Variants in CSMD1 observed in about 807,000 individuals in gnomAD.
The protein encoded by CSMD1 is CUB and Sushi multiple domains 1.
In CSMD1, 213 loss-of-function variants were observed where a neutral mutation model predicts 417.5. The ratio of observed to expected loss-of-function variants is 0.51; its 90% confidence interval spans 0.46 to 0.57. The LOEUF (loss-of-function observed/expected upper bound fraction) is 0.57, where lower values mean the gene tolerates loss of function less well. Ranked by LOEUF, CSMD1 falls within the 20% of genes least tolerant of loss-of-function variation. CSMD1 has a pLI of 0.00. For synonymous variants in CSMD1, 2,862 were observed against 1,736.8 expected, an observed-to-expected ratio of 1.65 and a Z score of -16.11; for missense variants, 6,923 against 4,529.7, an observed-to-expected ratio of 1.53 and a Z score of -15.17.
chr8:4,264,726 AG>A (rs1804129184), intron 3 of CSMD1, among the ~76,000 whole-genome samples: 2 of 152,158 alleles, frequency 1.3e-5, no homozygotes, highest in African/African-American at 4.8e-5. Context: ...TTAACTGCCC[AG>A]GGGTAGGGAA....
At chr8:3,643,986 G>T (rs184185089) in intron 7 of CSMD1, among the ~76,000 whole-genome samples, 22 of 152,302 alleles carry the variant, frequency 1.4e-4, no homozygotes, top group Non-Finnish European at 2.5e-4. Flanking sequence ...AGAGAACACG[G>T]TGAATTCATC....
At chr8:4,753,932 T>C (rs1157719758) in intron 1 of CSMD1, among the ~76,000 whole-genome samples, 1 of 152,222 alleles carries the variant, frequency 6.6e-6, no homozygotes, top group Non-Finnish European at 1.5e-5. Flanking sequence ...ACATGCGAGA[T>C]GCTTTATGTG....
chr8:4,055,796 A>G (rs766864130), intron 3 of CSMD1, among the ~76,000 whole-genome samples: 6 of 152,112 alleles, frequency 3.9e-5, no homozygotes, highest in Non-Finnish European at 8.8e-5. Flanking sequence ...CAGCACTTCA[A>G]ATGACTAACA....
At chr8:3,396,113 C>A (rs766068705) in intron 17 of CSMD1, 81 bp downstream of exon 17, 2 of 1,225,884 alleles carry the variant, frequency 1.6e-6, no homozygotes, top group Non-Finnish European at 2.3e-6. Context: ...CAGTCATCTG[C>A]AGGCTGGAAA....
intron 3 of CSMD1, among the ~76,000 whole-genome samples, chr8:4,382,445 T>G (rs1033835311): frequency 2.0e-5 from 3 of 152,214 alleles, no homozygotes; most frequent in African/African-American, 7.2e-5. Flanking sequence ...TAGTCTGGCC[T>G]TGTTACTTTA....
At chr8:4,010,570 T>G (rs1164896682) in intron 4 of CSMD1, among the ~76,000 whole-genome samples, 3 of 151,872 alleles carry the variant, frequency 2.0e-5, no homozygotes, top group Admixed American at 2.0e-4. Context: ...AGGCATCAGT[T>G]TCTACAGCTG....
intron 1 of CSMD1, among the ~76,000 whole-genome samples, chr8:4,921,513 A>C (rs113077325): frequency 0.036 from 5,539 of 152,318 alleles, 139 homozygotes; most frequent in Non-Finnish European, 0.056. Context: ...GTGATGTTGG[A>C]ATCACTATAT....
intron 21 of CSMD1, among the ~76,000 whole-genome samples, chr8:3,358,522 C>G (rs1440765281): frequency 2.0e-5 from 3 of 152,176 alleles, no homozygotes; most frequent in East Asian, 3.9e-4. Context: ...AACGTCACCC[C>G]ACTGGATCAG....
intron 37 of CSMD1, among the ~76,000 whole-genome samples, chr8:3,174,907 T>C (rs1047891422): frequency 7.2e-5 from 11 of 152,186 alleles, no homozygotes; most frequent in African/African-American, 1.9e-4. Flanking sequence ...TTTTTACATG[T>C]TTGACTATGT....
rs149092427 is a variant in CSMD1 at position 3,538,875 on chromosome 8, C to G, written c.1344+36070G>C. On this transcript the variant is annotated intron_variant, in intron 10 of 69. Coordinates refer to ENST00000635120, the MANE Select transcript of CSMD1 (RefSeq NM_033225.6). Reference sequence around the variant, plus strand: ...GTCTTCCTAAGTGTTCCTAGTTGTTCTCTGCTCCCACTCTTGCTTCACCTA... The same window carrying G: ...GTCTTCCTAAGTGTTCCTAGTTGTTGTCTGCTCCCACTCTTGCTTCACCTA... Among the ~76,000 whole-genome samples the G allele has an allele frequency of 7.6e-3, 1,158 of 152,276 alleles. 8 individuals carry two copies. Among genetic ancestry groups the G allele is most frequent in the Non-Finnish European group, 8.7e-3 (595 of 68,020 alleles).
At chr8:3,135,683 C>G (rs571874130) in intron 41 of CSMD1, among the ~76,000 whole-genome samples, 80 of 151,518 alleles carry the variant, frequency 5.3e-4, no homozygotes, top group African/African-American at 1.9e-3. Context: ...CCCTTTAAAA[C>G]ATGCTCTTGA....
intron 3 of CSMD1, among the ~76,000 whole-genome samples, chr8:4,358,091 T>C (rs1169900857): frequency 2.6e-5 from 4 of 152,204 alleles, no homozygotes; most frequent in African/African-American, 7.2e-5. Flanking sequence ...TATGTATACA[T>C]ACATATGCTA....
At chr8:4,868,755 A>G (rs1332694864) in intron 1 of CSMD1, among the ~76,000 whole-genome samples, 1 of 146,336 alleles carries the variant, frequency 6.8e-6, no homozygotes, top group Non-Finnish European at 1.5e-5. Context: ...GTGACTGTCA[A>G]ATATTGGCTG....
At chr8:4,820,739 A>C (rs907904630) in intron 1 of CSMD1, among the ~76,000 whole-genome samples, 49 of 152,320 alleles carry the variant, frequency 3.2e-4, no homozygotes, top group African/African-American at 1.1e-3. Flanking sequence ...CTAACTTTGC[A>C]TTCAGGCATA....
At chr8:3,997,385 A>G (rs1048630680) in intron 5 of CSMD1, among the ~76,000 whole-genome samples, 1 of 151,870 alleles carries the variant, frequency 6.6e-6, no homozygotes, top group African/African-American at 2.4e-5. Context: ...TTTTATACAT[A>G]TAGTGGACTA....
chr8:3,877,144 C>T (rs1332721346), intron 5 of CSMD1, among the ~76,000 whole-genome samples: 1 of 152,166 alleles, frequency 6.6e-6, no homozygotes, highest in Non-Finnish European at 1.5e-5. Flanking sequence ...TGCACTTTCC[C>T]CATCCCTTCC....
At chr8:3,841,794 G>A (rs918224328) in intron 5 of CSMD1, among the ~76,000 whole-genome samples, 3 of 151,924 alleles carry the variant, frequency 2.0e-5, no homozygotes, top group African/African-American at 4.8e-5. Context: ...GTAAATACGT[G>A]CAAATCAGCC....
intron 3 of CSMD1, among the ~76,000 whole-genome samples, chr8:4,102,616 G>T (rs1056771855): frequency 6.6e-5 from 10 of 152,252 alleles, no homozygotes; most frequent in African/African-American, 2.4e-4. Flanking sequence ...CTACTCAAAT[G>T]CCTCCTGTTC....
At chr8:3,257,787 G>T (rs1386049878) in intron 26 of CSMD1, among the ~76,000 whole-genome samples, 1 of 152,162 alleles carries the variant, frequency 6.6e-6, no homozygotes, top group South Asian at 2.1e-4. Context: ...GCTTCCAAGG[G>T]AGGTGTGAGG....
Sources: allele counts gnomAD v4.1 joint callset (sites outside exome capture counted in the v4.1 genomes callset), GRCh38; gene constraint gnomAD v4.1.1; transcripts MANE v1.5; gene names NCBI Gene and HGNC (gene_info 2026-07-23, HGNC 2026-07-21).